MAP6: variants seen among roughly 807,000 people sequenced by gnomAD.
MAP6 encodes microtubule-associated protein 6.
A neutral mutation model predicts 42.4 loss-of-function variants in MAP6; 26 were observed. The observed-to-expected ratio is 0.61, with a 90% CI of 0.45 to 0.85. MAP6 has a LOEUF of 0.85. Among genes scored for constraint, MAP6 ranks in the 40% least tolerant of loss-of-function variants. The probability of loss-of-function intolerance (pLI) is 0.00; values close to 1 mark genes in which losing one functional copy is unlikely to be tolerated. For missense variants in MAP6, 966 were observed against 1,099.0 expected (o/e 0.88, Z 1.71); for synonymous variants, 418 against 443.8 (o/e 0.94, Z 0.73).
intron 3 of MAP6, 119 bp from the exon 4 acceptor site, chr11:75,588,303 A>G: frequency 1.3e-6 from 1 of 763,702 alleles, no homozygotes; most frequent in South Asian, 1.9e-5. Context: ...CTCTTGCTGG[A>G]GAGCCAGGAG....
intron 1 of MAP6, among the ~76,000 whole-genome samples, chr11:75,624,563 G>T (rs1243220730): frequency 5.3e-5 from 8 of 152,082 alleles, no homozygotes; most frequent in Admixed American, 5.2e-4. Flanking sequence ...TCCACGAGCT[G>T]CCCTGTAGAT....
chr11:75,653,903 G>C (rs1943693577), intron 1 of MAP6, among the ~76,000 whole-genome samples: 2 of 152,244 alleles, frequency 1.3e-5, no homozygotes, highest in South Asian at 2.1e-4. Flanking sequence ...GATGAGGATA[G>C]TTGCCATTTA....
intron 1 of MAP6, among the ~76,000 whole-genome samples, chr11:75,661,370 C>G (rs1943840713): frequency 1.3e-5 from 2 of 151,962 alleles, no homozygotes; most frequent in Non-Finnish European, 2.9e-5. Context: ...TTGATTCCAA[C>G]AGTACATAAG....
At chr11:75,604,226 C>T (rs546311640) in intron 3 of MAP6, 17 of 985,822 alleles carry the variant, frequency 1.7e-5, no homozygotes, top group South Asian at 9.4e-5. Flanking sequence ...TAGCACACGC[C>T]GAATTAATTT....
At chr11:75,608,805 T>G (rs996397634) in intron 1 of MAP6, among the ~76,000 whole-genome samples, 1 of 152,232 alleles carries the variant, frequency 6.6e-6, no homozygotes, top group African/African-American at 2.4e-5. Context: ...TTTTTCATAA[T>G]GAAGAACTTT....
At chr11:75,613,189 G>A (rs1030894477) in intron 1 of MAP6, among the ~76,000 whole-genome samples, 5 of 151,920 alleles carry the variant, frequency 3.3e-5, no homozygotes, top group Non-Finnish European at 7.4e-5. Context: ...GGCAGTTAAC[G>A]GAAGTAGCTA....
chr11:75,659,935 A>G (rs570108395), intron 1 of MAP6, among the ~76,000 whole-genome samples: 24 of 152,338 alleles, frequency 1.6e-4, no homozygotes, highest in African/African-American at 4.8e-4. Context: ...TTAATCGTAT[A>G]TATCTTACCT....
rs759087727 is a variant in MAP6, at chr11:75,605,928, T to C, written c.1196A>G (p.Asp399Gly). 2 of 1,614,152 alleles carry C rather than the reference T, an allele frequency of 1.2e-6. No homozygotes were observed. The highest frequency in any genetic ancestry group is 1.7e-5 in the Admixed American group (1 of 60,018). Residue 399 changes from aspartate to glycine, a missense_variant, in exon 3 of 4, where the codon GAC becomes GGC. Asp to Gly is a moderately conservative substitution (Grantham distance 94). Coordinates refer to ENST00000304771, the MANE Select transcript of MAP6 (RefSeq NM_033063.2). ...ASHKPTRKAK[D>G]KQAVSGQAAK... is the part of the protein sequence containing the mutation. ...AGCCTGGCCTGACACCGCCTGCTTG[T>C]CTTTGGCCTTCCTCGTGGGCTTATG... is the stretch of plus-strand genomic sequence containing the variant.
chr11:75,648,335 A>G (rs1003049400), intron 1 of MAP6, among the ~76,000 whole-genome samples: 3 of 152,168 alleles, frequency 2.0e-5, no homozygotes, highest in African/African-American at 7.2e-5. Context: ...CTCTACCAAA[A>G]ATAATTTTAA....
At chr11:75,642,239 T>C (rs1490890986) in intron 1 of MAP6, among the ~76,000 whole-genome samples, 2 of 152,228 alleles carry the variant, frequency 1.3e-5, no homozygotes, top group African/African-American at 4.8e-5. Flanking sequence ...TTTGCCATAG[T>C]GGGCATATTG....
Position 75,587,168 on chromosome 11 carries a change from G to C in MAP6, c.2333C>G (p.Pro778Arg). Residue 778 changes from proline (P) to arginine (R), a missense_variant, in exon 4 of 4, where the codon CCT becomes CGT. Pro to Arg is a moderately radical substitution (Grantham distance 103). Coordinates refer to ENST00000304771, the MANE Select transcript of MAP6 (RefSeq NM_033063.2). ...AKDQGPAVPE[P>R]LKTQGPRDPQ... ...GTCCCTGGGACCTTGAGTCTTCAGAGGTTCAGGGACTGCAGGACCTTGGTC... is the reference window on the plus strand; with the variant it reads ...GTCCCTGGGACCTTGAGTCTTCAGACGTTCAGGGACTGCAGGACCTTGGTC... The C allele has an allele frequency of 2.5e-6, 4 of 1,614,122 alleles. No individual in the cohort carries two copies. Among genetic ancestry groups the C allele is most frequent in the Non-Finnish European group, 3.4e-6 (4 of 1,180,024 alleles).
intron 3 of MAP6, among the ~76,000 whole-genome samples, chr11:75,593,566 G>C (rs1254689954): frequency 6.6e-6 from 1 of 152,172 alleles, no homozygotes; most frequent in South Asian, 2.1e-4. Flanking sequence ...CATCCACGTG[G>C]TTTTTTTCTT....
At chr11:75,619,908 T>C (rs1773222433) in intron 1 of MAP6, among the ~76,000 whole-genome samples, 1 of 152,220 alleles carries the variant, frequency 6.6e-6, no homozygotes, top group Non-Finnish European at 1.5e-5. Flanking sequence ...TCTTCCACAA[T>C]GGTTGAGCTA....
intron 1 of MAP6, among the ~76,000 whole-genome samples, chr11:75,657,096 T>A (rs377414698): frequency 1.6e-4 from 24 of 151,942 alleles, no homozygotes; most frequent in African/African-American, 5.6e-4. Context: ...CTTTTGGCAA[T>A]GTGTGGAGAC....
intron 1 of MAP6, among the ~76,000 whole-genome samples, chr11:75,664,261 T>C (rs76031748): frequency 0.013 from 1,988 of 152,328 alleles, 19 homozygotes; most frequent in Non-Finnish European, 0.02. Context: ...CTATCCTGGA[T>C]ACTACTTGAA....
At chr11:75,627,271 A>G (rs1188044428) in intron 1 of MAP6, among the ~76,000 whole-genome samples, 1 of 152,232 alleles carries the variant, frequency 6.6e-6, no homozygotes, top group African/African-American at 2.4e-5. Flanking sequence ...GGGGTCCTGG[A>G]AGAGAGATGC....
chr11:75,663,699 A>T (rs1943896197), intron 1 of MAP6, among the ~76,000 whole-genome samples: 2 of 152,232 alleles, frequency 1.3e-5, no homozygotes, highest in Non-Finnish European at 2.9e-5. Flanking sequence ...CTGTAGACTC[A>T]GTATCCAAGA....
At chr11:75,600,396 A>T (rs1942646423) in intron 3 of MAP6, among the ~76,000 whole-genome samples, 1 of 152,236 alleles carries the variant, frequency 6.6e-6, no homozygotes, top group South Asian at 2.1e-4. Context: ...ATAACAAAAT[A>T]CATAATGGTG....
At chr11:75,634,487 G>A (rs1223115028) in intron 1 of MAP6, among the ~76,000 whole-genome samples, 2 of 152,160 alleles carry the variant, frequency 1.3e-5, no homozygotes, top group Non-Finnish European at 2.9e-5. Context: ...ATGTTGGCCA[G>A]GCTGGTCTTG....
Sources: gnomAD v4.1 joint callset for allele counts (sites outside exome capture counted in the v4.1 genomes callset) on GRCh38, gnomAD v4.1.1 for gene constraint, MANE v1.5 for transcripts, NCBI Gene and HGNC (gene_info 2026-07-23, HGNC 2026-07-21) for gene names.